Variants in BAHCC1 observed in about 807,000 individuals in gnomAD.
BAHCC1 encodes the protein BAH and coiled-coil domain-containing protein 1.
A neutral mutation model predicts 88.2 loss-of-function variants in BAHCC1; 43 were observed. The observed-to-expected ratio is 0.49, with a 90% CI of 0.38 to 0.63. The LOEUF (loss-of-function observed/expected upper bound fraction) is 0.63, where lower values mean the gene tolerates loss of function less well. Among genes scored for constraint, BAHCC1 ranks in the 20% least tolerant of loss-of-function variants. The pLI is 0.00. For synonymous variants in BAHCC1, 1,510 were observed against 745.5 expected (o/e 2.03, Z -16.71); for missense variants, 3,023 against 1,654.8 (o/e 1.83, Z -14.34).
rs1598473638 is a variant in BAHCC1, at chr17:81,426,931, GGCT to G, written c.311_313del (p.Gly104_Ser105delinsAla). The G allele has an allele frequency of 7.5e-6, 3 of 398,644 alleles. No homozygotes were observed. The East Asian group carries it at 1.1e-4, about 14-fold the overall frequency. The allele number at this position is 398,644 out of a possible 1,614,324, so 24.7% of individuals were successfully genotyped here. On this transcript the variant is annotated inframe_deletion, in exon 3 of 28. Transcript: ENST00000675386. ...CTCCCCCCCTGAGCAGGCCTACCGT[GGCT>G]CCCACCCCACCACCTCCCAGATCTG...
chr17:81,430,156 G>A (rs2064244242), intron 3 of BAHCC1, among the ~76,000 whole-genome samples: 1 of 152,122 alleles, frequency 6.6e-6, no homozygotes, highest in South Asian at 2.1e-4. Context: ...GAGGATGAGA[G>A]CAGGGGTGGG....
rs1458319618 is a variant in BAHCC1 at position 81,399,758 on chromosome 17, G to GCGC, written c.29_31dup (p.Pro10dup). 1.7e-6 allele frequency: 2 copies of GCGC among 1,189,044 alleles called. No individual in the cohort carries two copies. The highest frequency in any genetic ancestry group is 3.6e-5 in the South Asian group (1 of 27,804). The allele number at this position is 1,189,044 out of a possible 1,614,324, so 73.7% of individuals were successfully genotyped here. On this transcript the variant is annotated inframe_insertion, in exon 2 of 28. Coordinates refer to ENST00000675386, the MANE Select transcript of BAHCC1 (RefSeq NM_001377448.1). The surrounding 1 kb of genome is among the most constrained non-coding windows in gnomAD (Gnocchi z 4.5). The stretch of plus-strand genomic sequence containing the variant: ...GCCCGGCATGGATGGCCGCGACTTT[G>GCGC]CGCCGCCGCCGCATCTGCTGTCGGA...
At chr17:81,421,813 A>C (rs1290898067) in intron 2 of BAHCC1, 4 of 180,610 alleles carry the variant, frequency 2.2e-5, no homozygotes, top group African/African-American at 9.6e-5. Context: ...GCAAGAGGCC[A>C]CCCCAGTCCC....
rs782055387 is a variant in BAHCC1 at position 81,463,650 on chromosome 17, G to A, written c.7660G>A (p.Val2554Met). ...YQSCHEDENDVQTISHKCQVV... is the reference protein window; with the variant it reads ...YQSCHEDENDMQTISHKCQVV... ...GTCCTGCCACGAGGATGAGAACGAC[G>A]TGCAGACCATCTCCCACAAGTGCCA... The change falls in exon 28 of 28, where the codon GTG becomes ATG. Residue 2554 changes from valine to methionine, a missense_variant. Transcript: ENST00000675386. 1 of 779,710 alleles carries A rather than the reference G, an allele frequency of 1.3e-6. No individual in the cohort carries two copies. Among genetic ancestry groups the A allele is most frequent in the East Asian group, 2.4e-5 (1 of 41,246 alleles). The allele number at this position is 779,710 out of a possible 1,614,324, so 48.3% of individuals were successfully genotyped here.
rs782702292 is a variant in BAHCC1 at position 81,460,595 on chromosome 17, G to A, written c.6091G>A (p.Glu2031Lys). Residue 2031 changes from glutamate (E) to lysine (K), a missense_variant, in exon 25 of 28, where the codon GAG becomes AAG. Transcript: ENST00000675386. ...SCRRTKKVSS[E>K]APPPSEAATP... ...CCGGAGGACCAAGAAGGTATCCAGTGAGGCACCCCCGCCTAGTGAAGCCGC... is the reference window on the plus strand; with the variant it reads ...CCGGAGGACCAAGAAGGTATCCAGTAAGGCACCCCCGCCTAGTGAAGCCGC... 2 of 770,236 alleles carry A rather than the reference G, an allele frequency of 2.6e-6. No homozygotes were observed. The highest frequency in any genetic ancestry group is 2.7e-5 in the South Asian group (2 of 73,144). 47.7% of individuals were successfully genotyped at this position (770,236 alleles called of 1,614,324 possible).
At chr17:81,438,327 G>A (rs537982563) in intron 3 of BAHCC1, 43 bp from the exon 4 acceptor site, 2 of 775,930 alleles carry the variant, frequency 2.6e-6, no homozygotes, top group South Asian at 2.7e-5. Context: ...GTGGGCCAGG[G>A]GGCTGGGAGT....
At position 81,459,086 on chromosome 17, in the gene BAHCC1, C is replaced by T. The variant is rs781869874; in HGVS notation, c.5638C>T (p.Arg1880Trp). 2.0e-5 allele frequency: 15 copies of T among 769,102 alleles called. No individual in the cohort carries two copies. Among genetic ancestry groups the T allele is most frequent in the Admixed American group, 6.9e-5 (4 of 57,866 alleles). 47.6% of individuals were successfully genotyped at this position (769,102 alleles called of 1,614,324 possible). The change falls in exon 21 of 28, where the codon CGG becomes TGG. Residue 1880 changes from arginine (R) to tryptophan (W), a missense_variant. By Grantham distance (101) the Arg-to-Trp change is moderately radical (BLOSUM62 -3). Transcript: ENST00000675386. Reference sequence around the variant, plus strand: ...GTGTGCCATCCACAAGGAGGACCTGCGGGACGGGCTGCCCGTGCTCATCCC... The same window carrying T: ...GTGTGCCATCCACAAGGAGGACCTGTGGGACGGGCTGCCCGTGCTCATCCC... ...RSCAIHKEDL[R>W]DGLPVLIPKE...
intron 2 of BAHCC1, among the ~76,000 whole-genome samples, chr17:81,425,288 AGTTGGGGGTGATAGTGGTGGGTGATGTG>A (rs2064169215): frequency 4.2e-3 from 50 of 12,048 alleles, no homozygotes; most frequent in African/African-American, 0.015. Context: ...GTGGGTGTGT[AGTTGGGGGTGATAGTGGTGGGTGATGTG>A]GTTGGGGGTG....
rs781936652 is a variant in BAHCC1, at chr17:81,451,887, G to C, written c.4179+17G>C. 7 of 712,122 alleles carry C rather than the reference G, an allele frequency of 9.8e-6. No homozygotes were observed. In the South Asian group the frequency reaches 1.0e-4, roughly 10 times the overall value. The allele number at this position is 712,122 out of a possible 1,614,324, so 44.1% of individuals were successfully genotyped here. ...ACCAAGCCTGTGAGTGGAGGTCCCA[G>C]TGCCCACGTCGCCCAGTGCGTTGCC... On this transcript the variant is annotated intron_variant, in intron 12 of 27. Coordinates refer to ENST00000675386, the MANE Select transcript of BAHCC1 (RefSeq NM_001377448.1).
intron 3 of BAHCC1, 120 bp from the exon 4 acceptor site, chr17:81,438,250 T>C (rs111818423): frequency 5.8e-6 from 4 of 688,704 alleles, no homozygotes; most frequent in African/African-American, 1.8e-5. Flanking sequence ...GGCTGCGTGC[T>C]GGGCTCTGCG....
At chr17:81,439,758 G>T (rs558437997) in intron 4 of BAHCC1, among the ~76,000 whole-genome samples, 150 of 152,216 alleles carry the variant, frequency 9.9e-4, no homozygotes, top group African/African-American at 3.2e-3. Context: ...CTGGGAGGCG[G>T]ACTAGACACC....
chr17:81,438,613 G>C, intron 4 of BAHCC1, 121 bp downstream of exon 4: 1 of 665,166 alleles, frequency 1.5e-6, no homozygotes, highest in Non-Finnish European at 2.8e-6. Flanking sequence ...AGGTGTCATC[G>C]AGGCCAGGGT....
At position 81,442,354 on chromosome 17, in the gene BAHCC1, C is replaced by T. The variant is rs782637161; in HGVS notation, c.1005C>T (p.Ser335=). The T allele has an allele frequency of 1.1e-4, 80 of 699,700 alleles. No individual in the cohort carries two copies. Among genetic ancestry groups the T allele is most frequent in the Non-Finnish European group, 1.8e-4 (69 of 380,968 alleles). 43.3% of individuals were successfully genotyped at this position (699,700 alleles called of 1,614,324 possible). The stretch of plus-strand genomic sequence containing the variant: ...CCCCGGAGCCCGGGCCGGCCTTCAG[C>T]GAGTGCCTGGAGCGGCGGCAGATGC... The part of the protein sequence containing the change: ...AGPPEPGPAF[S]ECLERRQMLH... Residue 335 remains serine, a synonymous_variant, in exon 5 of 28, where the codon AGC becomes AGT. Transcript: ENST00000675386.
At chr17:81,433,951 G>A (rs1215086206) in intron 3 of BAHCC1, among the ~76,000 whole-genome samples, 5 of 152,248 alleles carry the variant, frequency 3.3e-5, no homozygotes, top group Non-Finnish European at 5.9e-5. Flanking sequence ...AGTTGCGGGC[G>A]GGTGGAGGCC....
chr17:81,426,601 G>T (rs1348105256), intron 2 of BAHCC1, among the ~76,000 whole-genome samples, 199 bp from the exon 3 acceptor site: 1 of 151,874 alleles, frequency 6.6e-6, no homozygotes, highest in Non-Finnish European at 1.5e-5. Context: ...AAAGACTCAG[G>T]ACTCTGAGTG....
intron 2 of BAHCC1, chr17:81,415,635 A>G (rs1555648522): frequency 2.0e-6 from 1 of 488,340 alleles, no homozygotes; most frequent in African/African-American, 2.0e-5. Flanking sequence ...GGCTCTTGGC[A>G]CCTGGTCCTT....
chr17:81,396,323 C>G (rs2063745842), intron 1 of BAHCC1: 2 of 152,090 alleles, frequency 1.3e-5, no homozygotes, highest in South Asian at 4.1e-4. Flanking sequence ...GGAGGGGGAC[C>G]GAGCAAGGCC....
intron 6 of BAHCC1, 93 bp downstream of exon 6, chr17:81,444,010 G>A: frequency 1.5e-6 from 1 of 674,690 alleles, no homozygotes; most frequent in South Asian, 1.6e-5. Flanking sequence ...GGGTGGTCAT[G>A]GCTGGGGCAG....
intron 3 of BAHCC1, among the ~76,000 whole-genome samples, chr17:81,433,159 T>C (rs1296974807): frequency 6.6e-6 from 1 of 151,608 alleles, no homozygotes; most frequent in Admixed American, 6.5e-5. Context: ...TTCTGAAGCC[T>C]CAGGGGGCCC....
Sources: allele counts gnomAD v4.1 joint callset (sites outside exome capture counted in the v4.1 genomes callset), GRCh38; gene constraint gnomAD v4.1.1; non-coding constraint Gnocchi (gnomAD v3.1); transcripts MANE v1.5; gene names NCBI Gene and HGNC (gene_info 2026-07-23, HGNC 2026-07-21).